Variants in LRRFIP1 observed in about 807,000 individuals in gnomAD.
LRRFIP1 encodes leucine-rich repeat flightless-interacting protein 1.
In LRRFIP1, 62 loss-of-function variants were observed where a neutral mutation model predicts 104.4. The ratio of observed to expected loss-of-function variants is 0.59; its 90% confidence interval spans 0.48 to 0.73. LRRFIP1 has a LOEUF of 0.73. Among genes scored for constraint, LRRFIP1 ranks in the 30% least tolerant of loss-of-function variants. LRRFIP1 has a pLI of 0.00. For missense variants in LRRFIP1, 796 were observed against 824.5 expected (o/e 0.97, Z 0.42); for synonymous variants, 300 against 299.0 (o/e 1.00, Z -0.03).
rs145058311 is a variant in LRRFIP1, at chr2:237,732,660, C to G, written c.445-1114C>G. Among the ~76,000 whole-genome samples, 24 of 152,342 alleles carry G rather than the reference C, an allele frequency of 1.6e-4. No individual in the cohort carries two copies. In the South Asian group the frequency reaches 2.7e-3, roughly 17 times the overall value. ...AGGAAAAGGAGGGTTTTATTAAATG[C>G]ATATTTTCAAAAACTCGAGTCCAAA... On this transcript the variant is annotated intron_variant, in intron 8 of 23. Coordinates refer to ENST00000308482, the MANE Select transcript of LRRFIP1 (RefSeq NM_001137550.2).
At chr2:237,745,717 G>A (rs1182233905) in intron 11 of LRRFIP1, among the ~76,000 whole-genome samples, 1 of 152,150 alleles carries the variant, frequency 6.6e-6, no homozygotes, top group Non-Finnish European at 1.5e-5. Context: ...TATCTTTGTA[G>A]GTAAACGAAT....
At chr2:237,700,523 T>A (rs1326883956) in intron 1 of LRRFIP1, among the ~76,000 whole-genome samples, 1 of 152,240 alleles carries the variant, frequency 6.6e-6, no homozygotes. Flanking sequence ...TGCTTGACGC[T>A]AAAACCTGGA....
chr2:237,702,716 T>C (rs890273903), intron 1 of LRRFIP1, among the ~76,000 whole-genome samples: 1 of 152,212 alleles, frequency 6.6e-6, no homozygotes, highest in Non-Finnish European at 1.5e-5. Context: ...GACCGAGCTA[T>C]GCATGTCCTG....
intron 1 of LRRFIP1, among the ~76,000 whole-genome samples, chr2:237,684,703 G>T (rs1389488722): frequency 6.6e-6 from 1 of 152,054 alleles, no homozygotes; most frequent in African/African-American, 2.4e-5. Context: ...CAGAGTTTGT[G>T]CCTGTAAGAC....
At chr2:237,689,913 TCAC>T (rs1372213902) in intron 1 of LRRFIP1, among the ~76,000 whole-genome samples, 34 of 152,220 alleles carry the variant, frequency 2.2e-4, no homozygotes, top group Admixed American at 6.5e-4. Context: ...CCTTTGGTCC[TCAC>T]CCTCACAGCG....
At chr2:237,637,360 CG>C (rs2083264057) in intron 1 of LRRFIP1, among the ~76,000 whole-genome samples, 1 of 152,004 alleles carries the variant, frequency 6.6e-6, no homozygotes. Flanking sequence ...CTCAGCTACT[CG>C]GGGGGCTGAG....
At chr2:237,729,712 A>G (rs1273325331) in intron 8 of LRRFIP1, 14 of 750,432 alleles carry the variant, frequency 1.9e-5, no homozygotes, top group Non-Finnish European at 2.3e-5. Context: ...TTTGAATGGG[A>G]TGGGGGTGCT....
At chr2:237,634,177 C>T (rs1348119494) in intron 1 of LRRFIP1, among the ~76,000 whole-genome samples, 1 of 152,182 alleles carries the variant, frequency 6.6e-6, no homozygotes, top group Non-Finnish European at 1.5e-5. Flanking sequence ...AGTCCTTAAA[C>T]AAGCTACAAG....
Position 237,703,368 on chromosome 2 carries a change from T to C in LRRFIP1, c.97-5176T>C, listed in dbSNP as rs3769099. Among the ~76,000 whole-genome samples, 50,223 of 152,010 alleles carry C rather than the reference T, an allele frequency of 0.33. 10,156 individuals carry two copies. The highest frequency in any genetic ancestry group is 0.57 in the African/African-American group (23,715 of 41,408). Reference sequence around the variant, plus strand: ...CACTTCCTTGGTTTCCTGTTGCTCTTCCCACCCCATACCTGCTCCCCACAT... The same window carrying C: ...CACTTCCTTGGTTTCCTGTTGCTCTCCCCACCCCATACCTGCTCCCCACAT... On this transcript the variant is annotated intron_variant, in intron 1 of 23. Coordinates refer to ENST00000308482, the MANE Select transcript of LRRFIP1 (RefSeq NM_001137550.2). The surrounding 1 kb of genome is among the most constrained non-coding windows in gnomAD (Gnocchi z 4.3).
intron 1 of LRRFIP1, among the ~76,000 whole-genome samples, chr2:237,682,606 C>A (rs890473295): frequency 1.6e-4 from 25 of 152,212 alleles, no homozygotes; most frequent in African/African-American, 5.3e-4. Flanking sequence ...CTTCTCACTT[C>A]AGCTGTTCTT....
intron 19 of LRRFIP1, chr2:237,765,739 A>G (rs1239739498): frequency 2.1e-6 from 2 of 946,704 alleles, no homozygotes; most frequent in Non-Finnish European, 2.5e-6. Flanking sequence ...TAAAATTGTA[A>G]AATATAAAAT....
At chr2:237,693,464 C>CT (rs1178637201) in intron 1 of LRRFIP1, among the ~76,000 whole-genome samples, 3 of 152,184 alleles carry the variant, frequency 2.0e-5, no homozygotes. Flanking sequence ...CAGTTCTTTG[C>CT]TTGTCAGATG....
rs397946161 is a variant in LRRFIP1, at chr2:237,704,151, CTT to C, written c.97-4376_97-4375del. ...ATTTTGTCGAAACTCTGCAGATGTTCTTTTTTTTTTTTTTTTTTCAAGGCAGA... is the reference window on the plus strand; with the variant it reads ...ATTTTGTCGAAACTCTGCAGATGTTCTTTTTTTTTTTTTTTTCAAGGCAGA... On this transcript the variant is annotated intron_variant, in intron 1 of 23. Transcript: ENST00000308482. 3.0e-3 allele frequency among the ~76,000 whole-genome samples: 371 copies of C among 123,958 alleles called. 10 individuals carry two copies. In the East Asian group the frequency reaches 0.051, roughly 17 times the overall value. 81.3% of individuals were successfully genotyped at this position (123,958 alleles called of 152,430 possible).
chr2:237,740,593 T>A (rs1433554363), intron 11 of LRRFIP1, among the ~76,000 whole-genome samples: 1 of 152,260 alleles, frequency 6.6e-6, no homozygotes, highest in East Asian at 1.9e-4. Flanking sequence ...GATGTACCTT[T>A]TTTGGCGGGC....
rs144037636 is a variant in LRRFIP1, at chr2:237,666,915, G to GCTTTCTTT, written c.96+39200_96+39207dup. Among the ~76,000 whole-genome samples, 1,436 of 144,904 alleles carry GCTTTCTTT rather than the reference G, an allele frequency of 9.9e-3. 13 individuals are homozygous for GCTTTCTTT. The highest frequency in any genetic ancestry group is 0.034 in the African/African-American group (1,309 of 38,606). Reference sequence around the variant, plus strand: ...TTCTTTTTTCCCTCCCTGCCTTCCTGCTTTCTTTCTTTCTTTCTTTCTTTC... The same window carrying GCTTTCTTT: ...TTCTTTTTTCCCTCCCTGCCTTCCTGCTTTCTTTCTTTCTTTCTTTCTTTCTTTCTTTC... On this transcript the variant is annotated intron_variant, in intron 1 of 23. Coordinates refer to ENST00000308482, the MANE Select transcript of LRRFIP1 (RefSeq NM_001137550.2).
At chr2:237,721,503 A>G (rs2094535700) in intron 6 of LRRFIP1, 1 of 152,256 alleles carries the variant, frequency 6.6e-6, no homozygotes, top group Non-Finnish European at 1.5e-5. Flanking sequence ...AGTGCTTTAA[A>G]TCAGTGAATT....
intron 11 of LRRFIP1, among the ~76,000 whole-genome samples, chr2:237,741,629 A>G (rs1383453828): frequency 6.6e-6 from 1 of 152,092 alleles, no homozygotes; most frequent in East Asian, 1.9e-4. Flanking sequence ...GGAGTTGGAG[A>G]CCAGCCTGGC....
chr2:237,708,651 T>A (rs749725950), intron 2 of LRRFIP1, 21 bp downstream of exon 2: 25 of 1,582,544 alleles, frequency 1.6e-5, no homozygotes, highest in Non-Finnish European at 2.1e-5. Context: ...GGGCTCCTTG[T>A]TGGGTCTTTT....
intron 20 of LRRFIP1, among the ~76,000 whole-genome samples, chr2:237,771,000 G>C (rs1204239182): frequency 6.6e-6 from 1 of 152,108 alleles, no homozygotes; most frequent in Non-Finnish European, 1.5e-5. Flanking sequence ...AAGTTCCTGT[G>C]ATCTTTTGAA....
Sources: allele counts gnomAD v4.1 joint callset (sites outside exome capture counted in the v4.1 genomes callset), GRCh38; gene constraint gnomAD v4.1.1; non-coding constraint Gnocchi (gnomAD v3.1); transcripts MANE v1.5; gene names NCBI Gene and HGNC (gene_info 2026-07-23, HGNC 2026-07-21).